CSAD: variants seen among roughly 807,000 people sequenced by gnomAD.
CSAD encodes the protein P-selectin cytoplasmic tail-associated protein.
In CSAD, 47 loss-of-function variants were observed where a neutral mutation model predicts 61.5. The ratio of observed to expected loss-of-function variants is 0.76; its 90% CI spans 0.60 to 0.97. The LOEUF (loss-of-function observed/expected upper bound fraction) is 0.97. Among genes scored for constraint, CSAD ranks in the 50% least tolerant of loss-of-function variants. The pLI, the probability that CSAD is intolerant of heterozygous loss-of-function variation, is 0.00. For synonymous variants in CSAD, 245 were observed against 252.7 expected (o/e 0.97, Z 0.29); for missense variants, 611 against 643.6 (o/e 0.95, Z 0.55).
Position 53,173,479 on chromosome 12 carries a change from G to C in CSAD, c.-6-3C>G. Reference sequence around the variant, plus strand: ...GCTTCTGAGTCAGCCATCAGGATCTGTGGCAGAGCAGAGTCATTCCCTACT... The same window carrying C: ...GCTTCTGAGTCAGCCATCAGGATCTCTGGCAGAGCAGAGTCATTCCCTACT... On this transcript the variant is annotated splice_region_variant and splice_polypyrimidine_tract_variant and intron_variant, in intron 3 of 16. Transcript: ENST00000444623. 6.2e-7 allele frequency: 1 copy of C among 1,614,180 alleles called. No homozygotes were observed. Among genetic ancestry groups the C allele is most frequent in the Non-Finnish European group, 8.5e-7 (1 of 1,180,024 alleles).
At chr12:53,178,455 G>A in intron 2 of CSAD, 3 of 441,142 alleles carry the variant, frequency 6.8e-6, no homozygotes, top group Non-Finnish European at 1.4e-5. Flanking sequence ...CTGCACCATT[G>A]CACTCCAGCC....
At chr12:53,172,818 A>C (rs538209550) in intron 4 of CSAD, among the ~76,000 whole-genome samples, 170 bp from the exon 5 acceptor site, 1 of 152,334 alleles carries the variant, frequency 6.6e-6, no homozygotes, top group Admixed American at 6.5e-5. Flanking sequence ...TAAGACCCAG[A>C]ATGTAAATCC....
In CSAD at chr12:53,171,441, C is replaced by T; in HGVS notation, c.452G>A (p.Gly151Asp). 6.2e-7 allele frequency: 1 copy of T among 1,613,456 alleles called. No individual in the cohort carries two copies. Among genetic ancestry groups the T allele is most frequent in the Non-Finnish European group, 8.5e-7 (1 of 1,179,932 alleles). Residue 151 changes from glycine (G) to aspartate (D), a missense_variant and splice_region_variant, in exon 8 of 17, where the codon GGT (glycine) becomes GAT (aspartate). Transcript: ENST00000444623. ...AGCATACATGTTGGAGATGGAGCCA[C>T]CTGTCACAGGGAGGGGGCGGTGGCA... ...WSSGDGIFCP[G>D]GSISNMYAVN... is the part of the protein sequence containing the mutation.
intron 16 of CSAD, among the ~76,000 whole-genome samples, chr12:53,159,025 T>C (rs779233758): frequency 3.6e-4 from 55 of 152,166 alleles, no homozygotes; most frequent in South Asian, 1.0e-3. Context: ...GTCAACACCT[T>C]CTTCTCCCCT....
At chr12:53,172,998 A>T (rs1940765289) in intron 4 of CSAD, among the ~76,000 whole-genome samples, 1 of 152,192 alleles carries the variant, frequency 6.6e-6, no homozygotes, top group Non-Finnish European at 1.5e-5. Flanking sequence ...ACCTGAGGTC[A>T]GGAGTTCGAG....
intron 7 of CSAD, 54 bp downstream of exon 7, chr12:53,171,828 G>C: frequency 8.8e-7 from 1 of 1,139,502 alleles, no homozygotes; most frequent in East Asian, 2.4e-5. Context: ...AGAACGGTGG[G>C]GGAGGAGGAA....
At chr12:53,158,816 G>T in intron 16 of CSAD, 132 bp from the exon 17 acceptor site, 2 of 767,572 alleles carry the variant, frequency 2.6e-6, no homozygotes, top group Non-Finnish European at 4.2e-6. Flanking sequence ...AGCACACCTT[G>T]CTCAGACCTT....
At chr12:53,177,094 T>C (rs908419180) in intron 2 of CSAD, among the ~76,000 whole-genome samples, 2 of 152,228 alleles carry the variant, frequency 1.3e-5, no homozygotes, top group African/African-American at 4.8e-5. Flanking sequence ...GTTGGTTATA[T>C]TCTTATATTT....
intron 16 of CSAD, 119 bp downstream of exon 16, chr12:53,159,504 G>A (rs1938990287): frequency 4.0e-6 from 3 of 758,710 alleles, no homozygotes; most frequent in East Asian, 2.7e-5. Flanking sequence ...GAGCATCCAC[G>A]CCTCAGAGCA....
chr12:53,170,861 C>G, intron 8 of CSAD: 1 of 380,656 alleles, frequency 2.6e-6, no homozygotes, highest in South Asian at 2.2e-5. Context: ...GCTGGGACTA[C>G]AGGTGCCCAC....
In CSAD at chr12:53,158,699, A is replaced by G. The variant is rs922953558; in HGVS notation, c.1309-15T>C. The G allele has an allele frequency of 6.2e-7, 1 of 1,611,008 alleles. No homozygotes were observed. The highest frequency in any genetic ancestry group is 8.5e-7 in the Non-Finnish European group (1 of 1,177,922). ...ACGGGGGCCACCTGTGGAAGGGTGG[A>G]GAGAGATTCCAGCTGCAGCCTGGGT... On this transcript the variant is annotated splice_polypyrimidine_tract_variant and intron_variant, in intron 16 of 16. Coordinates refer to ENST00000444623, the MANE Select transcript of CSAD (RefSeq NM_001244705.2).
At chr12:53,179,883 T>A (rs1941432961) in intron 1 of CSAD, 1 of 1,610,968 alleles carries the variant, frequency 6.2e-7, no homozygotes, top group South Asian at 1.1e-5. Context: ...GGCAGAAGAA[T>A]TTGAAGACAG....
In CSAD at chr12:53,158,566, C is replaced by G. The variant is rs773388373; in HGVS notation, c.1427G>C (p.Cys476Ser). Residue 476 changes from cysteine to serine, a missense_variant, in exon 17 of 17, where the codon TGT becomes TCT. Cys to Ser is a moderately radical substitution (Grantham distance 112, BLOSUM62 -1). Coordinates refer to ENST00000444623, the MANE Select transcript of CSAD (RefSeq NM_001244705.2). ...RVVVANSALT[C>S]ADMDFLLNEL... ...GTTGAGGAGGAAGTCCATATCAGCACAGGTCAGTGCAGAGTTGGCCACAAC... is the reference window on the plus strand; with the variant it reads ...GTTGAGGAGGAAGTCCATATCAGCAGAGGTCAGTGCAGAGTTGGCCACAAC... 4.3e-6 allele frequency: 7 copies of G among 1,613,300 alleles called. No individual in the cohort carries two copies. The highest frequency in any genetic ancestry group is 5.9e-6 in the Non-Finnish European group (7 of 1,180,046).
At chr12:53,172,306 A>C in intron 6 of CSAD, 40 bp downstream of exon 6, 1 of 1,578,712 alleles carries the variant, frequency 6.3e-7, no homozygotes, top group Non-Finnish European at 8.7e-7. Context: ...AGCAAACCTA[A>C]ATCCTTTGTG....
chr12:53,173,632 A>G, intron 3 of CSAD, 96 bp downstream of exon 3: 1 of 1,474,920 alleles, frequency 6.8e-7, no homozygotes, highest in South Asian at 1.2e-5. Flanking sequence ...GTGCCCAGGG[A>G]GAAAACCAGT....
intron 6 of CSAD, 27 bp from the exon 7 acceptor site, chr12:53,172,015 G>C: frequency 6.5e-7 from 1 of 1,530,414 alleles, no homozygotes; most frequent in Non-Finnish European, 9.1e-7. Context: ...CGACGAGAAA[G>C]GAGAGATGGG....
chr12:53,166,108 G>A (rs1483390106), intron 10 of CSAD: 2 of 150,508 alleles, frequency 1.3e-5, no homozygotes, highest in African/African-American at 4.9e-5. Flanking sequence ...AAGGCAGGCA[G>A]ATCACAAGGT....
chr12:53,180,657 G>A lies in CSAD; in HGVS notation c.-91+75C>T, dbSNP rs969390340. Reference sequence around the variant, plus strand: ...GCCGAGCCCGGAAGTGGATGCAGCCGCTCGGCGGAGAGGACGAGGGGGAGG... The same window carrying A: ...GCCGAGCCCGGAAGTGGATGCAGCCACTCGGCGGAGAGGACGAGGGGGAGG... On this transcript the variant is annotated intron_variant, in intron 1 of 16. Transcript: ENST00000444623. 1.2e-5 allele frequency: 15 copies of A among 1,281,968 alleles called. No individual in the cohort carries two copies. In the African/African-American group the frequency reaches 1.2e-4, roughly 11 times the overall value. 79.4% of individuals were successfully genotyped at this position (1,281,968 alleles called of 1,614,324 possible). A position where few individuals can be genotyped will look rare whatever the true frequency, so the allele number is the denominator to read the frequency against.
In CSAD at chr12:53,177,615, A is replaced by C. The variant is rs139763141; in HGVS notation, c.-50+1487T>G. ...ACCAGCCTAAGGCAACAAAGCGTGG[A>C]GACCCATCTATTTATTTATTTATTT... On this transcript the variant is annotated intron_variant, in intron 2 of 16. Coordinates refer to ENST00000444623, the MANE Select transcript of CSAD (RefSeq NM_001244705.2). 1.5e-4 allele frequency among the ~76,000 whole-genome samples: 23 copies of C among 152,002 alleles called. No homozygotes were observed. The East Asian group carries it at 4.5e-3, about 30-fold the overall frequency.
Sources: gnomAD v4.1 joint callset for allele counts (sites outside exome capture counted in the v4.1 genomes callset) on GRCh38, gnomAD v4.1.1 for gene constraint, MANE v1.5 for transcripts, NCBI Gene and HGNC (gene_info 2026-07-23, HGNC 2026-07-21) for gene names.